TBCK: variants seen among roughly 807,000 people sequenced by gnomAD.
The protein encoded by TBCK is TBC domain-containing protein kinase-like protein.
Under a neutral mutation model 113.4 loss-of-function variants are expected in TBCK, and 99 were observed. The ratio of observed to expected loss-of-function variants is 0.87; its 90% CI spans 0.74 to 1.03. TBCK has a LOEUF of 1.03. TBCK is among the 50% of genes least tolerant of loss of function. The pLI, the probability that TBCK is intolerant of heterozygous loss-of-function variation, is 0.00. For synonymous variants in TBCK, 369 were observed against 370.8 expected (o/e 1.00, Z 0.05); for missense variants, 1,045 against 1,061.3 (o/e 0.98, Z 0.21).
intron 22 of TBCK, among the ~76,000 whole-genome samples, chr4:106,175,073 G>T (rs182830528): frequency 6.6e-6 from 1 of 150,944 alleles, no homozygotes; most frequent in East Asian, 2.0e-4. Flanking sequence ...GCTGCAGTGA[G>T]CAGTGATCAC....
At chr4:106,083,451 T>C (rs567219606) in intron 25 of TBCK, among the ~76,000 whole-genome samples, 12 of 152,314 alleles carry the variant, frequency 7.9e-5, no homozygotes, top group Non-Finnish European at 1.5e-4. Context: ...CCAGAGCCCC[T>C]GGGGGATCGG....
At chr4:106,088,958 G>C (rs1399105708) in intron 25 of TBCK, among the ~76,000 whole-genome samples, 2 of 152,000 alleles carry the variant, frequency 1.3e-5, no homozygotes, top group African/African-American at 4.8e-5. Flanking sequence ...GGATCTTAGA[G>C]GACAGGTCAG....
At position 106,138,481 on chromosome 4, in the gene TBCK, G is replaced by C. The variant is rs1294963016; in HGVS notation, c.2236-22103C>G. On this transcript the variant is annotated intron_variant, in intron 23 of 25. Transcript: ENST00000394708. ...TTCTAATTATGAGACTCAGTTAAGT[G>C]TTGTTCATGAACATGGCATGCTTAT... Among the ~76,000 whole-genome samples the C allele has an allele frequency of 1.4e-5, 2 of 141,138 alleles. 1 individual carries two copies. The highest frequency in any genetic ancestry group is 3.2e-5 in the Non-Finnish European group (2 of 62,158). The allele number at this position is 141,138 out of a possible 152,430, so 92.6% of individuals were successfully genotyped here.
rs183480866 is a variant in TBCK at position 106,309,394 on chromosome 4, C to G, written c.-29-405G>C. 8.3e-5 allele frequency among the ~76,000 whole-genome samples: 12 copies of G among 144,808 alleles called. No individual in the cohort carries two copies. In the East Asian group the frequency reaches 2.6e-3, roughly 32 times the overall value. 95.0% of individuals were successfully genotyped at this position (144,808 alleles called of 152,430 possible). A position where few individuals can be genotyped will look rare whatever the true frequency, so the allele number is the denominator to read the frequency against. On this transcript the variant is annotated intron_variant, in intron 1 of 25. Coordinates refer to ENST00000394708, the MANE Select transcript of TBCK (RefSeq NM_001163435.3). ...GTGGTGTGATCTCCGCGCACTGCAA[C>G]CTCTGCCTCCCGGGTTCAAGCAATT...
At chr4:106,172,684 A>T (rs891185689) in intron 22 of TBCK, among the ~76,000 whole-genome samples, 1 of 152,052 alleles carries the variant, frequency 6.6e-6, no homozygotes, top group South Asian at 2.1e-4. Flanking sequence ...AATTCTGTGG[A>T]TAGTGCATGA....
At chr4:106,305,723 G>A (rs1447041342) in intron 2 of TBCK, among the ~76,000 whole-genome samples, 1 of 152,078 alleles carries the variant, frequency 6.6e-6, no homozygotes, top group African/African-American at 2.4e-5. Context: ...GTCAGCACAA[G>A]ATACAGGTCA....
Position 106,212,820 on chromosome 4 carries a change from A to T in TBCK, c.1790T>A (p.Phe597Tyr), listed in dbSNP as rs1756319346. The change falls in exon 20 of 26, where the codon TTC (phenylalanine) becomes TAC (tyrosine). Residue 597 changes from phenylalanine to tyrosine, a missense_variant. Physicochemically the swap from Phe to Tyr is conservative, Grantham distance 22 (BLOSUM62 3). Transcript: ENST00000394708. ...ATCATGAAATGCAATCATCTGAGAG[A>T]AGACAGTCAGATACTCTGAAATTAC... The part of the protein sequence containing the change: ...SHVIQEYLTV[F>Y]SQMIAFHDPE... 1 of 1,611,104 alleles carries T rather than the reference A, an allele frequency of 6.2e-7. No individual in the cohort carries two copies.
chr4:106,189,616 C>T (rs899569049), intron 22 of TBCK, among the ~76,000 whole-genome samples: 2 of 151,998 alleles, frequency 1.3e-5, no homozygotes, highest in African/African-American at 4.8e-5. Context: ...CTTTGCTTCA[C>T]TCATGATAGA....
chr4:106,128,981 T>C (rs1745549872), intron 23 of TBCK, among the ~76,000 whole-genome samples: 1 of 152,200 alleles, frequency 6.6e-6, no homozygotes, highest in South Asian at 2.1e-4. Flanking sequence ...AAGGATGTCA[T>C]GTCAAATCAC....
At chr4:106,263,052 T>A (rs1384478648) in intron 3 of TBCK, among the ~76,000 whole-genome samples, 1 of 151,990 alleles carries the variant, frequency 6.6e-6, no homozygotes, top group Non-Finnish European at 1.5e-5. Context: ...TCTCAGAGCA[T>A]AAGACAAATG....
intron 19 of TBCK, among the ~76,000 whole-genome samples, chr4:106,220,524 TC>T (rs1757555634): frequency 6.6e-6 from 1 of 150,694 alleles, no homozygotes; most frequent in Admixed American, 6.7e-5. Context: ...CAGAAGAGCT[TC>T]AGGGCAAAAA....
intron 22 of TBCK, among the ~76,000 whole-genome samples, chr4:106,189,932 T>C (rs1753475152): frequency 6.6e-6 from 1 of 152,070 alleles, no homozygotes; most frequent in African/African-American, 2.4e-5. Flanking sequence ...CTACAAGATT[T>C]TCCTCTCTTT....
rs1316465945 is a variant in TBCK, at chr4:106,227,933, G to C, written c.1774+2430C>G. Reference sequence around the variant, plus strand: ...TAAGAAATAAATAATAGCACTTATTGAATATTTCTATGTACCAGAAATTTA... The same window carrying C: ...TAAGAAATAAATAATAGCACTTATTCAATATTTCTATGTACCAGAAATTTA... On this transcript the variant is annotated intron_variant, in intron 19 of 25. Transcript: ENST00000394708. 9.2e-5 allele frequency among the ~76,000 whole-genome samples: 14 copies of C among 151,854 alleles called. 1 individual carries two copies. Among genetic ancestry groups the C allele is most frequent in the Admixed American group, 9.2e-4 (14 of 15,254 alleles).
intron 25 of TBCK, among the ~76,000 whole-genome samples, chr4:106,076,556 C>A (rs2070982010): frequency 6.6e-6 from 1 of 152,086 alleles, no homozygotes; most frequent in Admixed American, 6.6e-5. Context: ...ATCCCCAAGA[C>A]ACACAGTCAT....
At chr4:106,267,193 C>T (rs1763067668) in intron 3 of TBCK, among the ~76,000 whole-genome samples, 2 of 151,820 alleles carry the variant, frequency 1.3e-5, no homozygotes, top group South Asian at 2.1e-4. Flanking sequence ...GGGTGGCTAG[C>T]GTTTACTTTG....
At chr4:106,267,593 CAA>C (rs1185095389) in intron 3 of TBCK, among the ~76,000 whole-genome samples, 1 of 151,842 alleles carries the variant, frequency 6.6e-6, no homozygotes, top group African/African-American at 2.4e-5. Context: ...AAGAGACCTA[CAA>C]AAGTCATAAA....
intron 20 of TBCK, among the ~76,000 whole-genome samples, chr4:106,207,856 A>G (rs370545823): frequency 7.9e-5 from 12 of 152,186 alleles, no homozygotes; most frequent in African/African-American, 2.9e-4. Context: ...TGTAGATGGG[A>G]CTCTTCTTCA....
chr4:106,116,164 AG>A, intron 24 of TBCK, 38 bp downstream of exon 24: 1 of 1,575,600 alleles, frequency 6.3e-7, no homozygotes, highest in Non-Finnish European at 8.7e-7. Flanking sequence ...AATACAAATA[AG>A]CAGTACCACC....
At chr4:106,061,197 G>A (rs1462731447) in intron 25 of TBCK, among the ~76,000 whole-genome samples, 1 of 151,826 alleles carries the variant, frequency 6.6e-6, no homozygotes, top group Non-Finnish European at 1.5e-5. Flanking sequence ...TCTTCTGTGA[G>A]TAAAATGCTG....
Sources: gnomAD v4.1 joint callset for allele counts (sites outside exome capture counted in the v4.1 genomes callset) on GRCh38, gnomAD v4.1.1 for gene constraint, MANE v1.5 for transcripts, NCBI Gene and HGNC (gene_info 2026-07-23, HGNC 2026-07-21) for gene names.